The following ACSBG2 variants were observed in gnomAD, a reference collection of about 807,000 sequenced individuals.
ACSBG2 encodes the protein long-chain-fatty-acid--CoA ligase ACSBG2.
A neutral mutation model predicts 74.7 loss-of-function variants in ACSBG2; 62 were observed. The ratio of observed to expected loss-of-function variants is 0.83; its 90% CI spans 0.68 to 1.03. The LOEUF is 1.03. Ranked by LOEUF, ACSBG2 falls within the 50% of genes least tolerant of loss-of-function variation. The pLI, the probability that ACSBG2 is intolerant of heterozygous loss-of-function variation, is 0.00. For synonymous variants in ACSBG2, 309 were observed against 294.1 expected (o/e 1.05, Z -0.52); for missense variants, 730 against 817.6 (o/e 0.89, Z 1.31).
chr19:6,184,537 A>G (rs2090344102), intron 10 of ACSBG2, among the ~76,000 whole-genome samples: 1 of 151,906 alleles, frequency 6.6e-6, no homozygotes, highest in Non-Finnish European at 1.5e-5. Context: ...CTGTTAATCA[A>G]AGAGATCTCA....
intron 2 of ACSBG2, among the ~76,000 whole-genome samples, chr19:6,144,576 T>C (rs1161801901): frequency 6.6e-6 from 1 of 152,214 alleles, no homozygotes; most frequent in African/African-American, 2.4e-5. Context: ...GCCTCCAGAA[T>C]TGTGAGACAA....
chr19:6,191,788 TTCA>T (rs1938654625), intron 14 of ACSBG2: 1 of 152,212 alleles, frequency 6.6e-6, no homozygotes, highest in Admixed American at 6.5e-5. Context: ...TTGTCCTTTG[TTCA>T]ACGTTAACTG....
intron 7 of ACSBG2, among the ~76,000 whole-genome samples, chr19:6,175,063 C>T (rs147286931): frequency 6.6e-6 from 1 of 152,246 alleles, no homozygotes; most frequent in African/African-American, 2.4e-5. Context: ...AGATCTGAAC[C>T]AGGAGTGTCT....
intron 6 of ACSBG2, 139 bp downstream of exon 6, chr19:6,161,434 G>C (rs2089612296): frequency 1.4e-6 from 1 of 710,568 alleles, no homozygotes; most frequent in Non-Finnish European, 2.3e-6. Flanking sequence ...AGTAGGTGGG[G>C]ACTCTCAAAG....
At chr19:6,148,837 T>C (rs1412477150) in intron 3 of ACSBG2, among the ~76,000 whole-genome samples, 1 of 151,970 alleles carries the variant, frequency 6.6e-6, no homozygotes, top group Non-Finnish European at 1.5e-5. Context: ...GCACGGTGGC[T>C]CATGCCTGTA....
chr19:6,179,305 T>TA (rs2090179303), intron 8 of ACSBG2, among the ~76,000 whole-genome samples: 1 of 149,628 alleles, frequency 6.7e-6, no homozygotes, highest in Non-Finnish European at 1.5e-5. Flanking sequence ...TTTTTTTTTT[T>TA]TTTTTTTTTT....
chr19:6,167,625 A>G (rs976783862), intron 7 of ACSBG2, among the ~76,000 whole-genome samples: 1 of 152,158 alleles, frequency 6.6e-6, no homozygotes, highest in African/African-American at 2.4e-5. Flanking sequence ...GGCCTCTTAG[A>G]AGTTTTCTGA....
chr19:6,187,514 G>A, intron 12 of ACSBG2, 85 bp from the exon 13 acceptor site: 2 of 1,603,290 alleles, frequency 1.2e-6, no homozygotes, highest in East Asian at 2.2e-5. Context: ...GCATCTGTGG[G>A]TTCAAGACCC....
At chr19:6,153,485 G>A (rs1053652107) in intron 4 of ACSBG2, among the ~76,000 whole-genome samples, 1 of 151,868 alleles carries the variant, frequency 6.6e-6, no homozygotes, top group African/African-American at 2.4e-5. Flanking sequence ...TCGTTTGTTC[G>A]ACTCAAGATT....
intron 7 of ACSBG2, among the ~76,000 whole-genome samples, chr19:6,172,566 T>C (rs1051364932): frequency 6.6e-6 from 1 of 152,052 alleles, no homozygotes; most frequent in African/African-American, 2.4e-5. Flanking sequence ...ATGGGTTCCA[T>C]GGTTGTGGAC....
At position 6,181,571 on chromosome 19, in the gene ACSBG2, G is replaced by A. The variant is rs116692480; in HGVS notation, c.907-1180G>A. Among the ~76,000 whole-genome samples the A allele has an allele frequency of 4.8e-3, 733 of 152,130 alleles. 9 individuals are homozygous for A. Among genetic ancestry groups the A allele is most frequent in the African/African-American group, 0.017 (705 of 41,510 alleles). ...AAAGTGTTTAAGTTGGATGAAGTTT[G>A]ATTTATCTATTTTCTTTTATGCTTT... On this transcript the variant is annotated intron_variant, in intron 8 of 14. Transcript: ENST00000588485.
intron 4 of ACSBG2, among the ~76,000 whole-genome samples, chr19:6,156,001 A>G (rs961495091): frequency 5.9e-5 from 9 of 152,126 alleles, no homozygotes; most frequent in South Asian, 2.1e-4. Context: ...GCACATGTAA[A>G]GGTGCTCAAT....
chr19:6,187,345 A>T lies in ACSBG2; in HGVS notation c.1603A>T (p.Lys535Ter). The change falls in exon 12 of 15, where the codon AAG becomes TAG. Residue 535 changes from lysine to a stop codon, truncating the protein, a stop_gained. Coordinates refer to ENST00000588485, the MANE Select transcript of ACSBG2 (RefSeq NM_030924.5). LOFTEE classifies it high-confidence loss of function. ...PPIPVETLVK[K>*]KIPIISNAML... ...CATTCCTGTTGAGACCTTGGTTAAG[A>T]AGAAGATCCCCATCATCAGTAACGC... 6.2e-7 allele frequency: 1 copy of T among 1,614,132 alleles called. No homozygotes were observed. Among genetic ancestry groups the T allele is most frequent in the South Asian group, 1.1e-5 (1 of 91,076 alleles).
rs148453058 is a variant in ACSBG2 at position 6,185,986 on chromosome 19, C to T, written c.1540+333C>T. On this transcript the variant is annotated intron_variant, in intron 11 of 14. Transcript: ENST00000588485. ...GAAATTCCTTGTGACATCATTTTGG[C>T]ACCTGGATCCAGCCATATCTGAAAG... 2.6e-4 allele frequency among the ~76,000 whole-genome samples: 40 copies of T among 152,124 alleles called. No homozygotes were observed. In the East Asian group the frequency reaches 7.3e-3, roughly 28 times the overall value.
At chr19:6,136,247 A>G (rs1163635387) in intron 1 of ACSBG2, among the ~76,000 whole-genome samples, 1 of 152,096 alleles carries the variant, frequency 6.6e-6, no homozygotes, top group East Asian at 1.9e-4. Flanking sequence ...GCCTGCCACC[A>G]TGCCCGGCTA....
At chr19:6,184,765 A>T (rs1284828593) in intron 10 of ACSBG2, among the ~76,000 whole-genome samples, 4 of 139,378 alleles carry the variant, frequency 2.9e-5, no homozygotes, top group Non-Finnish European at 6.1e-5. Flanking sequence ...TGTTTTCTTT[A>T]AAATGAGGGT....
At chr19:6,170,630 T>A (rs191067043) in intron 7 of ACSBG2, among the ~76,000 whole-genome samples, 15 of 152,292 alleles carry the variant, frequency 9.8e-5, no homozygotes, top group Admixed American at 2.0e-4. Flanking sequence ...TTGATTTTTT[T>A]AAATTTATTA....
At chr19:6,173,047 T>C (rs2090003828) in intron 7 of ACSBG2, among the ~76,000 whole-genome samples, 2 of 152,160 alleles carry the variant, frequency 1.3e-5, no homozygotes, top group Non-Finnish European at 2.9e-5. Context: ...CTTCTCCATG[T>C]CTTTTCCCAG....
At chr19:6,169,098 A>T (rs1230573830) in intron 7 of ACSBG2, among the ~76,000 whole-genome samples, 2 of 152,316 alleles carry the variant, frequency 1.3e-5, no homozygotes, top group Middle Eastern at 3.4e-3. Flanking sequence ...CCTTTAATTG[A>T]TGCACAGTTG....
Sources: gnomAD v4.1 joint callset for allele counts (sites outside exome capture counted in the v4.1 genomes callset) on GRCh38, gnomAD v4.1.1 for gene constraint, MANE v1.5 for transcripts, NCBI Gene and HGNC (gene_info 2026-07-23, HGNC 2026-07-21) for gene names.